RERE: variants seen among roughly 807,000 people sequenced by gnomAD.
RERE encodes the protein arginine-glutamic acid dipeptide repeats, also known as arginine-glutamic acid dipeptide repeats protein.
Under a neutral mutation model 146.1 loss-of-function variants are expected in RERE, and 40 were observed. That is an observed-to-expected ratio of 0.27 (90% CI 0.21 to 0.36). The LOEUF is 0.36. RERE is among the 10% of genes least tolerant of loss of function. RERE has a pLI of 1.00. For missense variants in RERE, 1,933 were observed against 2,138.7 expected (o/e 0.90, Z 1.90); for synonymous variants, 1,003 against 866.0 (o/e 1.16, Z -2.78).
intron 1 of RERE, among the ~76,000 whole-genome samples, chr1:8,736,196 T>G (rs1640193567): frequency 9.8e-6 from 1 of 102,506 alleles, no homozygotes; most frequent in Admixed American, 1.1e-4. Context: ...TCAGTTTGTT[T>G]GTTTGTTTGT....
chr1:8,358,396 G>C lies in RERE; in HGVS notation c.4139C>G (p.Ala1380Gly). ...GGGCCGCAGCTGGGGGCCCGCCAGG[G>C]CCAGTCTCTCCCTCTCCAAGGGGTT... ...GLNPLERERLALAGPQLRPEM... is the reference protein window; with the variant it reads ...GLNPLERERLGLAGPQLRPEM... The change falls in exon 20 of 23, where the codon GCC becomes GGC. Residue 1380 changes from alanine to glycine, a missense_variant. Ala to Gly is a moderately conservative substitution (Grantham distance 60, BLOSUM62 0). Transcript: ENST00000400908. The C allele has an allele frequency of 6.2e-7, 1 of 1,607,390 alleles. No homozygotes were observed. The highest frequency in any genetic ancestry group is 8.5e-7 in the Non-Finnish European group (1 of 1,175,964).
At chr1:8,810,241 C>T (rs1446529605) in intron 1 of RERE, among the ~76,000 whole-genome samples, 1 of 152,212 alleles carries the variant, frequency 6.6e-6, no homozygotes, top group Non-Finnish European at 1.5e-5. Context: ...CTCAGGTCAC[C>T]CATCCGCCTT....
intron 10 of RERE, among the ~76,000 whole-genome samples, chr1:8,468,315 G>T (rs1287753797): frequency 6.6e-6 from 1 of 152,062 alleles, no homozygotes; most frequent in Non-Finnish European, 1.5e-5. Flanking sequence ...CGTATAAAAA[G>T]ATCTGAAATA....
At chr1:8,667,774 C>T (rs1227249545) in intron 1 of RERE, among the ~76,000 whole-genome samples, 7 of 152,232 alleles carry the variant, frequency 4.6e-5, no homozygotes. Flanking sequence ...CAATTATATA[C>T]AGTTAGCTTG....
At chr1:8,505,355 C>A (rs989905573) in intron 8 of RERE, among the ~76,000 whole-genome samples, 1 of 152,044 alleles carries the variant, frequency 6.6e-6, no homozygotes, top group Non-Finnish European at 1.5e-5. Flanking sequence ...TTTGGAACAT[C>A]TACAAGGAAA....
intron 4 of RERE, among the ~76,000 whole-genome samples, chr1:8,607,748 T>C (rs1166904276): frequency 1.5e-5 from 2 of 129,602 alleles, no homozygotes; most frequent in East Asian, 2.4e-4. Context: ...TTTTTTGAGA[T>C]GGAGTCTGGC....
intron 1 of RERE, among the ~76,000 whole-genome samples, chr1:8,763,182 C>A (rs2124533761): frequency 6.6e-6 from 1 of 152,186 alleles, no homozygotes. Context: ...AATCCAGATT[C>A]TATTTGTTTT....
chr1:8,584,730 CAGA>C (rs1312948116), intron 4 of RERE, among the ~76,000 whole-genome samples: 3 of 152,218 alleles, frequency 2.0e-5, no homozygotes, highest in Admixed American at 2.0e-4. Flanking sequence ...ATTTAACACA[CAGA>C]AGGAGAAAAG....
rs373220872 is a variant in RERE, at chr1:8,753,067, T to C, written c.-145+64093A>G. ...AAATGCAATCATCCTTCATTAAAAATGCAAGCTGTGCTTCAGCAAGAGGTT... is the reference window on the plus strand; with the variant it reads ...AAATGCAATCATCCTTCATTAAAAACGCAAGCTGTGCTTCAGCAAGAGGTT... On this transcript the variant is annotated intron_variant, in intron 1 of 22. Transcript: ENST00000400908. Among the ~76,000 whole-genome samples, 4 of 152,202 alleles carry C rather than the reference T, an allele frequency of 2.6e-5. No homozygotes were observed. The East Asian group carries it at 5.8e-4, about 22-fold the overall frequency.
At chr1:8,607,534 C>CTTTTTTTTTTTCTT (rs1646733742) in intron 4 of RERE, among the ~76,000 whole-genome samples, 1 of 48,584 alleles carries the variant, frequency 2.1e-5, no homozygotes, top group Non-Finnish European at 3.5e-5. Flanking sequence ...ATATATATTT[C>CTTTTTTTTTTTCTT]TTTTTTTTTT....
chr1:8,426,941 C>A (rs1644021657), intron 11 of RERE, among the ~76,000 whole-genome samples: 1 of 152,232 alleles, frequency 6.6e-6, no homozygotes, highest in South Asian at 2.1e-4. Context: ...TCCATAAACT[C>A]TTAAAATAAT....
chr1:8,525,678 T>C (rs1645561753), intron 7 of RERE: 1 of 1,404,224 alleles, frequency 7.1e-7, no homozygotes, highest in African/African-American at 1.5e-5. Flanking sequence ...AATGATGAAA[T>C]GATTCATAAA....
At chr1:8,530,689 T>C (rs28454354) in intron 7 of RERE, among the ~76,000 whole-genome samples, 10 of 101,402 alleles carry the variant, frequency 9.9e-5, no homozygotes, top group Admixed American at 2.2e-4. Flanking sequence ...CTTTTTTTTT[T>C]TTTTTTTTTT....
rs528592431 is a variant in RERE at position 8,687,873 on chromosome 1, G to A, written c.-144-31432C>T. On this transcript the variant is annotated intron_variant, in intron 1 of 22. Coordinates refer to ENST00000400908, the MANE Select transcript of RERE (RefSeq NM_001042681.2). ...ACATCTTATATTCTTATTCACAGAA[G>A]TACAAATTTAGTTTTAGTTTAGTTA... Among the ~76,000 whole-genome samples, 3 of 152,212 alleles carry A rather than the reference G, an allele frequency of 2.0e-5. No homozygotes were observed. The South Asian group carries it at 6.2e-4, about 32-fold the overall frequency.
At chr1:8,644,221 A>G (rs1341657302) in intron 2 of RERE, among the ~76,000 whole-genome samples, 1 of 152,138 alleles carries the variant, frequency 6.6e-6, no homozygotes, top group African/African-American at 2.4e-5. Flanking sequence ...CTTTTTTTAT[A>G]CAAGACATGT....
chr1:8,570,873 A>C (rs1350555085), intron 4 of RERE, among the ~76,000 whole-genome samples: 1 of 152,226 alleles, frequency 6.6e-6, no homozygotes, highest in Non-Finnish European at 1.5e-5. Flanking sequence ...TACTATTAAA[A>C]AAGATTTCAT....
intron 12 of RERE, among the ~76,000 whole-genome samples, chr1:8,406,598 C>A (rs888814679): frequency 2.6e-5 from 4 of 152,100 alleles, no homozygotes; most frequent in Non-Finnish European, 4.4e-5. Context: ...ACTCTTCTTG[C>A]AAATTCTTTA....
At chr1:8,475,779 T>C (rs887450816) in intron 10 of RERE, among the ~76,000 whole-genome samples, 1 of 152,092 alleles carries the variant, frequency 6.6e-6, no homozygotes, top group African/African-American at 2.4e-5. Context: ...GATAACCTAG[T>C]GCCAAGTCAA....
chr1:8,413,679 T>C (rs1643677687), intron 12 of RERE, among the ~76,000 whole-genome samples: 1 of 151,910 alleles, frequency 6.6e-6, no homozygotes, highest in South Asian at 2.1e-4. Context: ...AAAACCCAAC[T>C]CTGCTGAGAT....
Sources: gnomAD v4.1 joint callset for allele counts (sites outside exome capture counted in the v4.1 genomes callset) on GRCh38, gnomAD v4.1.1 for gene constraint, MANE v1.5 for transcripts, NCBI Gene and HGNC (gene_info 2026-07-23, HGNC 2026-07-21) for gene names.